TRAPPC9: variants seen among roughly 807,000 people sequenced by gnomAD.
TRAPPC9 encodes the protein trafficking protein particle complex subunit 9.
Under a neutral mutation model 124.0 loss-of-function variants are expected in TRAPPC9, and 83 were observed. The ratio of observed to expected loss-of-function variants is 0.67; its 90% CI spans 0.56 to 0.80. TRAPPC9 has a LOEUF of 0.80. Among genes scored for constraint, TRAPPC9 ranks in the 30% least tolerant of loss-of-function variants. The probability of loss-of-function intolerance (pLI) is 0.00; values close to 1 mark genes in which losing one functional copy is unlikely to be tolerated. For synonymous variants in TRAPPC9, 638 were observed against 617.5 expected, an observed-to-expected ratio of 1.03 and a Z score of -0.49; for missense variants, 1,302 against 1,508.3, an observed-to-expected ratio of 0.86 and a Z score of 2.27.
At chr8:140,423,495 A>C (rs1335112695) in intron 5 of TRAPPC9, among the ~76,000 whole-genome samples, 1 of 152,028 alleles carries the variant, frequency 6.6e-6, no homozygotes, top group Non-Finnish European at 1.5e-5. Flanking sequence ...AAATGCTTAT[A>C]ACATCATTAT....
At position 140,437,208 on chromosome 8, in the gene TRAPPC9, C is replaced by T. The variant is rs141010029; in HGVS notation, c.730+1844G>A. Among the ~76,000 whole-genome samples the T allele has an allele frequency of 3.0e-3, 458 of 152,012 alleles. 11 individuals are homozygous for T. The East Asian group carries it at 0.052, about 17-fold the overall frequency. Reference sequence around the variant, plus strand: ...CTATGTTGCTCAGGCTGGTCTCCACCCAGTTAATGTTTTTTAATTTTGTTT... The same window carrying T: ...CTATGTTGCTCAGGCTGGTCTCCACTCAGTTAATGTTTTTTAATTTTGTTT... On this transcript the variant is annotated intron_variant, in intron 3 of 22. Transcript: ENST00000438773.
rs572368553 is a variant in TRAPPC9 at position 140,241,788 on chromosome 8, G to A, written c.2431+10989C>T. On this transcript the variant is annotated intron_variant, in intron 16 of 22. Coordinates refer to ENST00000438773, the MANE Select transcript of TRAPPC9 (RefSeq NM_001160372.4). This position sits in a 1 kb window ranked among gnomAD's most constrained non-coding sequence, Gnocchi z 5.0. ...ATCCTCACAGCCAGACAGCTCTCCCGTCTCTGAACTCAGGGTGTGGAACAC... is the reference window on the plus strand; with the variant it reads ...ATCCTCACAGCCAGACAGCTCTCCCATCTCTGAACTCAGGGTGTGGAACAC... Among the ~76,000 whole-genome samples the A allele has an allele frequency of 4.1e-4, 63 of 152,316 alleles. No homozygotes were observed. The highest frequency in any genetic ancestry group is 2.6e-3 in the Admixed American group (40 of 15,304).
At chr8:140,204,201 T>C (rs1009747738) in intron 17 of TRAPPC9, among the ~76,000 whole-genome samples, 2 of 152,020 alleles carry the variant, frequency 1.3e-5, no homozygotes, top group Admixed American at 6.6e-5. Flanking sequence ...CTATTCACAA[T>C]AGCAAAGACT....
chr8:140,244,185 A>C (rs745684802), intron 16 of TRAPPC9, among the ~76,000 whole-genome samples: 1 of 152,210 alleles, frequency 6.6e-6, no homozygotes, highest in Non-Finnish European at 1.5e-5. Context: ...AAGGGAAGGA[A>C]GGAGTGGATA....
At chr8:140,223,831 T>G (rs1380552261) in intron 16 of TRAPPC9, among the ~76,000 whole-genome samples, 2 of 152,012 alleles carry the variant, frequency 1.3e-5, no homozygotes, top group Non-Finnish European at 2.9e-5. Flanking sequence ...TGACAAACAA[T>G]ATTCAACTGG....
At chr8:140,397,175 A>G (rs1461736166) in intron 7 of TRAPPC9, among the ~76,000 whole-genome samples, 1 of 152,216 alleles carries the variant, frequency 6.6e-6, no homozygotes, top group Non-Finnish European at 1.5e-5. Flanking sequence ...TTTATTAAAA[A>G]TCCATTTAGA....
intron 7 of TRAPPC9, among the ~76,000 whole-genome samples, chr8:140,381,713 C>A (rs967961527): frequency 1.3e-4 from 17 of 129,610 alleles, no homozygotes; most frequent in African/African-American, 4.7e-4. Context: ...AAATGCTCAA[C>A]AGCATCAGCC....
rs191056108 is a variant in TRAPPC9 at position 140,034,610 on chromosome 8, C to T, written c.2557-10531G>A. The stretch of plus-strand genomic sequence containing the variant: ...AAGAGCAGGTGCCCCACATGCATTC[C>T]GTTTAACTGAATGACAGCATCTTCA... On this transcript the variant is annotated intron_variant, in intron 17 of 22. Transcript: ENST00000438773. Among the ~76,000 whole-genome samples, 7 of 152,312 alleles carry T rather than the reference C, an allele frequency of 4.6e-5. No individual in the cohort carries two copies. In the East Asian group the frequency reaches 9.6e-4, roughly 21 times the overall value.
At chr8:139,974,538 G>A (rs377066978) in intron 19 of TRAPPC9, among the ~76,000 whole-genome samples, 17 of 152,128 alleles carry the variant, frequency 1.1e-4, no homozygotes, top group East Asian at 3.9e-4. Flanking sequence ...AGCCCTTGTG[G>A]AAACTAAAGC....
At chr8:139,946,664 G>A (rs1834239104) in intron 19 of TRAPPC9, among the ~76,000 whole-genome samples, 2 of 149,652 alleles carry the variant, frequency 1.3e-5, no homozygotes, top group African/African-American at 2.5e-5. Context: ...GAGAGTATCC[G>A]CAGAATTTTC....
intron 17 of TRAPPC9, among the ~76,000 whole-genome samples, chr8:140,121,584 T>A (rs1342514748): frequency 1.3e-5 from 2 of 152,016 alleles, no homozygotes; most frequent in Non-Finnish European, 1.5e-5. Context: ...GAGGACAGAG[T>A]GGATTCAGAG....
At chr8:140,268,929 A>T (rs55649573) in intron 15 of TRAPPC9, among the ~76,000 whole-genome samples, 37,467 of 151,954 alleles carry the variant, frequency 0.25, 5,042 homozygotes, top group African/African-American at 0.35. Flanking sequence ...TTCTACATCA[A>T]CGCTTGGAAG....
At chr8:140,139,892 T>G (rs961986409) in intron 17 of TRAPPC9, among the ~76,000 whole-genome samples, 2 of 152,216 alleles carry the variant, frequency 1.3e-5, no homozygotes, top group African/African-American at 2.4e-5. Context: ...TATTTCGTTA[T>G]GCTGTATGTC....
chr8:140,258,853 T>C (rs913807103), intron 15 of TRAPPC9, among the ~76,000 whole-genome samples: 2 of 152,226 alleles, frequency 1.3e-5, no homozygotes, highest in African/African-American at 4.8e-5. Flanking sequence ...TTAAATGGCC[T>C]ATCCCAGGGC....
intron 17 of TRAPPC9, 21 bp downstream of exon 17, chr8:140,221,438 C>A (rs754800639): frequency 6.2e-7 from 1 of 1,613,656 alleles, no homozygotes; most frequent in Non-Finnish European, 8.5e-7. Context: ...GTGGCAGATG[C>A]CGTCTGCCAT....
At chr8:140,074,377 C>T (rs141076996) in intron 17 of TRAPPC9, among the ~76,000 whole-genome samples, 1 of 152,208 alleles carries the variant, frequency 6.6e-6, no homozygotes, top group Non-Finnish European at 1.5e-5. Context: ...AGAAAAGCCA[C>T]TACTTTGGGC....
chr8:140,234,758 CT>C (rs1247830461), intron 16 of TRAPPC9, among the ~76,000 whole-genome samples: 1 of 152,188 alleles, frequency 6.6e-6, no homozygotes, highest in Admixed American at 6.5e-5. Context: ...TCAACAAATA[CT>C]TGTGAGTACT....
At chr8:140,371,922 C>T (rs2132245079) in intron 7 of TRAPPC9, among the ~76,000 whole-genome samples, 1 of 152,282 alleles carries the variant, frequency 6.6e-6, no homozygotes, top group Non-Finnish European at 1.5e-5. Flanking sequence ...AGGCTGGTCT[C>T]GAACTCCTGA....
At position 140,080,455 on chromosome 8, in the gene TRAPPC9, G is replaced by A. The variant is rs139173761; in HGVS notation, c.2557-56376C>T. 3.4e-3 allele frequency among the ~76,000 whole-genome samples: 521 copies of A among 152,288 alleles called. 4 individuals are homozygous for A. Among genetic ancestry groups the A allele is most frequent in the African/African-American group, 0.011 (470 of 41,556 alleles). ...ACAAGCATGGCACTGGCATCTGTTC[G>A]GCTTCTGGTGAGGGCCATGGGCTGC... On this transcript the variant is annotated intron_variant, in intron 17 of 22. Transcript: ENST00000438773.
Sources: allele counts gnomAD v4.1 joint callset (sites outside exome capture counted in the v4.1 genomes callset), GRCh38; gene constraint gnomAD v4.1.1; non-coding constraint Gnocchi (gnomAD v3.1); transcripts MANE v1.5; gene names NCBI Gene and HGNC (gene_info 2026-07-23, HGNC 2026-07-21).